MYO1H: variants seen among roughly 807,000 people sequenced by gnomAD.
The protein encoded by MYO1H is myosin IH, also known as unconventional myosin-Ih.
A neutral mutation model predicts 149.3 loss-of-function variants in MYO1H; 118 were observed. The ratio of observed to expected loss-of-function variants is 0.79; its 90% CI spans 0.68 to 0.92. The LOEUF (loss-of-function observed/expected upper bound fraction) is 0.92. Ranked by LOEUF, MYO1H falls within the 40% of genes least tolerant of loss-of-function variation. The pLI, the probability that MYO1H is intolerant of heterozygous loss-of-function variation, is 0.00. For synonymous variants in MYO1H, 447 were observed against 465.2 expected (o/e 0.96, Z 0.50); for missense variants, 1,212 against 1,280.7 (o/e 0.95, Z 0.82).
At chr12:109,381,232 A>G (rs1360463908) in intron 1 of MYO1H, among the ~76,000 whole-genome samples, 1 of 152,144 alleles carries the variant, frequency 6.6e-6, no homozygotes, top group Non-Finnish European at 1.5e-5. Flanking sequence ...AAGAAAGCTC[A>G]TAAAGACAAG....
chr12:109,422,005 G>A (rs1272497040), intron 16 of MYO1H, among the ~76,000 whole-genome samples: 1 of 151,982 alleles, frequency 6.6e-6, no homozygotes, highest in Non-Finnish European at 1.5e-5. Flanking sequence ...TTGTTTGTTA[G>A]AGACAGGATC....
At chr12:109,374,105 A>G (rs1388869393) in intron 1 of MYO1H, among the ~76,000 whole-genome samples, 6 of 152,222 alleles carry the variant, frequency 3.9e-5, no homozygotes, top group Admixed American at 2.6e-4. Flanking sequence ...TTGAGATTGA[A>G]CCACGTTGAT....
At chr12:109,373,770 C>T (rs1024610063) in intron 1 of MYO1H, among the ~76,000 whole-genome samples, 2 of 152,118 alleles carry the variant, frequency 1.3e-5, no homozygotes, top group Non-Finnish European at 2.9e-5. Context: ...TCATATGCCT[C>T]CACCCAGTGA....
At chr12:109,410,743 G>C in exon 13 of MYO1H, 1 of 1,597,954 alleles carries the variant, frequency 6.3e-7, no homozygotes, top group Non-Finnish European at 8.6e-7. Context: ...GTAGAAGAGA[G>C]ACATAAAGGA....
chr12:109,336,342 G>T, the MYO1H span, among the ~76,000 whole-genome samples: 1 of 152,086 alleles, frequency 6.6e-6, no homozygotes, highest in Admixed American at 6.6e-5. Flanking sequence ...CACATCTTCT[G>T]CAATCATGTC....
intron 15 of MYO1H, among the ~76,000 whole-genome samples, chr12:109,418,038 G>A (rs546761319): frequency 3.3e-5 from 5 of 151,168 alleles, no homozygotes; most frequent in East Asian, 2.0e-4. Context: ...GGATGGTCTC[G>A]ATCTCCTGAC....
chr12:109,346,400 A>G (rs1296189459), upstream of MYO1H, among the ~76,000 whole-genome samples: 1 of 152,222 alleles, frequency 6.6e-6, no homozygotes, highest in African/African-American at 2.4e-5. Context: ...AACTGTATAA[A>G]TAAGTGAATG....
At chr12:109,352,406 T>C (rs75131715) in intron 1 of MYO1H, among the ~76,000 whole-genome samples, 1 of 152,178 alleles carries the variant, frequency 6.6e-6, no homozygotes, top group Non-Finnish European at 1.5e-5. Context: ...CTTTATGTAA[T>C]TGTCTCCATG....
In MYO1H at chr12:109,427,469, G is replaced by A. The variant is rs751595573; in HGVS notation, c.1832G>A (p.Ser611Asn). Residue 611 changes from serine (S) to asparagine (N), a missense_variant and splice_region_variant, in exon 19 of 32, where the codon AGC becomes AAC. Ser to Asn is a conservative substitution (Grantham distance 46). Coordinates refer to ENST00000310903, the Ensembl canonical transcript of MYO1H. Reference sequence around the variant, plus strand: ...CATTCTCTGTTCTATTTCTCCAAAGGCAAATTTGATGACTTCCTCATAAGG... The same window carrying A: ...CATTCTCTGTTCTATTTCTCCAAAGACAAATTTGATGACTTCCTCATAAGG... 1 of 1,603,802 alleles carries A rather than the reference G, an allele frequency of 6.2e-7. No homozygotes were observed. The highest frequency in any genetic ancestry group is 8.5e-7 in the Non-Finnish European group (1 of 1,171,006).
intron 19 of MYO1H, 59 bp from the exon 20 acceptor site, chr12:109,432,838 T>G: frequency 6.9e-7 from 1 of 1,443,804 alleles, no homozygotes; most frequent in Non-Finnish European, 9.7e-7. Flanking sequence ...GCCGGGGATG[T>G]GGGGGAGGGC....
At chr12:109,328,845 C>T in the MYO1H span, among the ~76,000 whole-genome samples, 1 of 151,978 alleles carries the variant, frequency 6.6e-6, no homozygotes, top group African/African-American at 2.4e-5. Flanking sequence ...TTTTGATATA[C>T]AAATATCTTG....
At chr12:109,416,633 A>T (rs754142691) in intron 15 of MYO1H, among the ~76,000 whole-genome samples, 3 of 152,140 alleles carry the variant, frequency 2.0e-5, no homozygotes, top group Non-Finnish European at 4.4e-5. Context: ...TATGAGTTTC[A>T]GTATGGGCAT....
exon 9 of MYO1H, chr12:109,406,801 C>T: frequency 6.2e-7 from 1 of 1,613,642 alleles, no homozygotes; most frequent in Non-Finnish European, 8.5e-7. Context: ...CCTGGGGGTC[C>T]ACCCATCAGT....
chr12:109,331,903 CTT>C, the MYO1H span, among the ~76,000 whole-genome samples: 14 of 152,202 alleles, frequency 9.2e-5, no homozygotes, highest in Admixed American at 2.0e-4. Flanking sequence ...CTTGAAATCT[CTT>C]TTTGTCTCCA....
intron 12 of MYO1H, 49 bp from the exon 13 acceptor site, chr12:109,410,639 T>C: frequency 7.6e-7 from 1 of 1,323,760 alleles, no homozygotes; most frequent in Non-Finnish European, 1.1e-6. Flanking sequence ...CCAACTTTGA[T>C]GCTCATCTAA....
At chr12:109,389,880 CAGA>C (rs1437927197) in intron 2 of MYO1H, among the ~76,000 whole-genome samples, 17 of 151,988 alleles carry the variant, frequency 1.1e-4, no homozygotes, top group African/African-American at 3.1e-4. Flanking sequence ...CCAAGGATAC[CAGA>C]AGAAGTAAAC....
At chr12:109,370,263 C>T (rs756103572) in intron 1 of MYO1H, among the ~76,000 whole-genome samples, 3 of 152,176 alleles carry the variant, frequency 2.0e-5, no homozygotes, top group East Asian at 1.9e-4. Flanking sequence ...TGTCTACATG[C>T]GACCAGCTCA....
At chr12:109,406,798 G>A in exon 9 of MYO1H, 3 of 1,613,932 alleles carry the variant, frequency 1.9e-6, no homozygotes, top group Non-Finnish European at 2.5e-6. Flanking sequence ...GCTCCTGGGG[G>A]TCCACCCATC....
chr12:109,385,097 A>G (rs1869274879), intron 1 of MYO1H, among the ~76,000 whole-genome samples: 2 of 152,306 alleles, frequency 1.3e-5, no homozygotes, highest in Admixed American at 6.5e-5. Context: ...TGAGGTAAGT[A>G]CAATTATAAT....
Sources: gnomAD v4.1 joint callset for allele counts (sites outside exome capture counted in the v4.1 genomes callset) on GRCh38, gnomAD v4.1.1 for gene constraint, MANE v1.5 for transcripts, NCBI Gene and HGNC (gene_info 2026-07-23, HGNC 2026-07-21) for gene names.